Variants in SMYD3 observed in about 807,000 individuals in gnomAD.
SMYD3 encodes SET and MYND domain containing 3.
Under a neutral mutation model 57.7 loss-of-function variants are expected in SMYD3, and 36 were observed. The ratio of observed to expected loss-of-function variants is 0.62; its 90% confidence interval spans 0.48 to 0.82. The LOEUF is 0.82. SMYD3 is among the 40% of genes least tolerant of loss of function. The probability of loss-of-function intolerance (pLI) is 0.00; values close to 1 mark genes in which losing one functional copy is unlikely to be tolerated. For synonymous variants in SMYD3, 211 were observed against 195.0 expected, an observed-to-expected ratio of 1.08 and a Z score of -0.68; for missense variants, 515 against 538.8, an observed-to-expected ratio of 0.96 and a Z score of 0.44.
chr1:245,803,988 A>G (rs533473747), intron 10 of SMYD3, among the ~76,000 whole-genome samples: 14 of 146,970 alleles, frequency 9.5e-5, no homozygotes, highest in South Asian at 6.5e-4. Flanking sequence ...ATCTCGGCTC[A>G]CTGCAACCTC....
At chr1:245,880,628 G>C (rs1054703673) in intron 8 of SMYD3, among the ~76,000 whole-genome samples, 2 of 152,230 alleles carry the variant, frequency 1.3e-5, no homozygotes, top group African/African-American at 4.8e-5. Flanking sequence ...GACTGCAGCT[G>C]AGAAAGACAG....
chr1:246,407,871 T>A (rs1015051972), intron 1 of SMYD3, among the ~76,000 whole-genome samples: 1 of 131,058 alleles, frequency 7.6e-6, no homozygotes, highest in African/African-American at 2.7e-5. Context: ...AAATAAATTA[T>A]ATATATATAT....
chr1:245,804,236 A>G (rs1178052361), intron 10 of SMYD3, among the ~76,000 whole-genome samples: 6 of 152,114 alleles, frequency 3.9e-5, no homozygotes, highest in Admixed American at 1.3e-4. Flanking sequence ...TTATTAAAGC[A>G]CATACTCATG....
chr1:245,963,437 T>A (rs1021011793), intron 5 of SMYD3, among the ~76,000 whole-genome samples: 1 of 152,034 alleles, frequency 6.6e-6, no homozygotes. Context: ...TCAATTGTAC[T>A]CGACATACTG....
intron 1 of SMYD3, among the ~76,000 whole-genome samples, chr1:246,495,156 T>C (rs201773855): frequency 6.6e-6 from 1 of 152,006 alleles, no homozygotes; most frequent in Non-Finnish European, 1.5e-5. Context: ...GAGACCATCC[T>C]GGCTAACACG....
At chr1:246,271,635 C>T (rs2064224909) in intron 5 of SMYD3, among the ~76,000 whole-genome samples, 1 of 152,170 alleles carries the variant, frequency 6.6e-6, no homozygotes, top group Non-Finnish European at 1.5e-5. Flanking sequence ...TCTGGACTTT[C>T]CCGTTGATTC....
At chr1:245,965,059 A>T (rs2058105221) in intron 5 of SMYD3, among the ~76,000 whole-genome samples, 1 of 152,190 alleles carries the variant, frequency 6.6e-6, no homozygotes, top group South Asian at 2.1e-4. Flanking sequence ...AGATAAAGAA[A>T]AAAAATATTT....
At chr1:246,242,087 T>G (rs1275784964) in intron 5 of SMYD3, among the ~76,000 whole-genome samples, 6 of 152,176 alleles carry the variant, frequency 3.9e-5, no homozygotes, top group Non-Finnish European at 8.8e-5. Context: ...TGTCTCTATT[T>G]CCTTCAGTTC....
At chr1:246,425,508 G>C (rs1413278852) in intron 1 of SMYD3, among the ~76,000 whole-genome samples, 2 of 152,188 alleles carry the variant, frequency 1.3e-5, no homozygotes, top group Admixed American at 1.3e-4. Context: ...CTGCCTGAGA[G>C]TGTTCACTGG....
At chr1:246,180,731 G>A (rs970152951) in intron 5 of SMYD3, among the ~76,000 whole-genome samples, 62 of 110,860 alleles carry the variant, frequency 5.6e-4, no homozygotes, top group African/African-American at 2.1e-3. Flanking sequence ...CACACTCCAA[G>A]CCTGGGCAAC....
At chr1:246,186,657 A>G (rs990921288) in intron 5 of SMYD3, 4 of 731,492 alleles carry the variant, frequency 5.5e-6, no homozygotes, top group African/African-American at 3.8e-5. Context: ...CCCAAAACTA[A>G]GAGACAATGA....
chr1:246,355,244 G>A lies in SMYD3; in HGVS notation c.165-150C>T, dbSNP rs2065893775. The stretch of plus-strand genomic sequence containing the variant: ...CCCTTAAGATTTGGATTTTCACACT[G>A]ATGAGCCTCCTCTTGAACCTTCCAT... On this transcript the variant is annotated intron_variant, in intron 1 of 11. Coordinates refer to ENST00000490107, the MANE Select transcript of SMYD3 (RefSeq NM_001167740.2). The surrounding 1 kb of genome is among the most constrained non-coding windows in gnomAD (Gnocchi z 5.0). 18 of 693,190 alleles carry A rather than the reference G, an allele frequency of 2.6e-5. No homozygotes were observed. The highest frequency in any genetic ancestry group is 2.2e-5 in the Non-Finnish European group (9 of 406,116). The allele number at this position is 693,190 out of a possible 1,614,324, so 42.9% of individuals were successfully genotyped here. A position where few individuals can be genotyped will look rare whatever the true frequency, so the allele number is the denominator to read the frequency against.
intron 10 of SMYD3, among the ~76,000 whole-genome samples, chr1:245,830,733 G>C (rs7514038): frequency 1.3e-5 from 2 of 152,048 alleles, no homozygotes; most frequent in South Asian, 4.1e-4. Context: ...CCACTAATAA[G>C]ATTTACAGTT....
At chr1:246,485,523 T>C (rs1459272999) in intron 1 of SMYD3, among the ~76,000 whole-genome samples, 1 of 152,132 alleles carries the variant, frequency 6.6e-6, no homozygotes, top group Non-Finnish European at 1.5e-5. Flanking sequence ...GGCTCACACT[T>C]ATAATTCCAA....
intron 5 of SMYD3, among the ~76,000 whole-genome samples, chr1:246,039,402 A>G (rs2059830518): frequency 6.6e-6 from 1 of 152,222 alleles, no homozygotes; most frequent in Non-Finnish European, 1.5e-5. Context: ...TACAACATGC[A>G]TATTAGAAAA....
intron 1 of SMYD3, among the ~76,000 whole-genome samples, chr1:246,396,136 G>C (rs188471597): frequency 6.6e-6 from 1 of 152,056 alleles, no homozygotes; most frequent in Admixed American, 6.5e-5. Context: ...CCAAATTATC[G>C]GACAGTCTAG....
intron 1 of SMYD3, among the ~76,000 whole-genome samples, chr1:246,398,862 C>G (rs1366447108): frequency 6.6e-6 from 1 of 152,160 alleles, no homozygotes; most frequent in African/African-American, 2.4e-5. Context: ...ATAAAATAGA[C>G]AGTATCAAAC....
chr1:246,262,290 G>A (rs144402406), intron 5 of SMYD3, among the ~76,000 whole-genome samples: 291 of 152,270 alleles, frequency 1.9e-3, no homozygotes, highest in African/African-American at 6.5e-3. Context: ...GAAGTCTAAC[G>A]ATATGGTGGA....
intron 5 of SMYD3, among the ~76,000 whole-genome samples, chr1:246,225,830 A>T (rs6669105): frequency 0.21 from 31,573 of 152,104 alleles, 3,995 homozygotes; most frequent in East Asian, 0.58. Flanking sequence ...TTCATTTTTA[A>T]AAATGTGTGC....
Sources: allele counts gnomAD v4.1 joint callset (sites outside exome capture counted in the v4.1 genomes callset), GRCh38; gene constraint gnomAD v4.1.1; non-coding constraint Gnocchi (gnomAD v3.1); transcripts MANE v1.5; gene names NCBI Gene and HGNC (gene_info 2026-07-23, HGNC 2026-07-21).